The following WDR41 variants were observed in gnomAD, a reference collection of about 807,000 sequenced individuals.
WDR41 encodes WD repeat domain 41, also known as WD repeat-containing protein 41.
In WDR41, 63 loss-of-function variants were observed where a neutral mutation model predicts 69.3. That is an observed-to-expected ratio of 0.91 (90% CI 0.74 to 1.12). The LOEUF (loss-of-function observed/expected upper bound fraction) is 1.12, where lower values mean the gene tolerates loss of function less well. WDR41 is among the 50% of genes most tolerant of loss of function. The pLI, the probability that WDR41 is intolerant of heterozygous loss-of-function variation, is 0.00. For missense variants in WDR41, 543 were observed against 534.5 expected (o/e 1.02, Z -0.16); for synonymous variants, 185 against 192.1 (o/e 0.96, Z 0.31).
At chr5:77,458,606 T>G (rs1799924209) in intron 5 of WDR41, among the ~76,000 whole-genome samples, 1 of 152,150 alleles carries the variant, frequency 6.6e-6, no homozygotes, top group Non-Finnish European at 1.5e-5. Flanking sequence ...GGAATAAACC[T>G]AACAGTAACA....
chr5:77,477,366 T>A (rs1026403568), intron 2 of WDR41, among the ~76,000 whole-genome samples: 5 of 140,758 alleles, frequency 3.6e-5, no homozygotes, highest in Non-Finnish European at 7.5e-5. Flanking sequence ...ATCAACAGAA[T>A]ATACATTGTT....
chr5:77,441,935 G>A (rs910867346), intron 8 of WDR41, among the ~76,000 whole-genome samples: 6 of 151,944 alleles, frequency 3.9e-5, no homozygotes, highest in Non-Finnish European at 8.8e-5. Context: ...GTCAGTAAAC[G>A]TGAAAAGATG....
At chr5:77,513,058 A>G (rs2112176528) in intron 1 of WDR41, among the ~76,000 whole-genome samples, 1 of 152,322 alleles carries the variant, frequency 6.6e-6, no homozygotes, top group East Asian at 1.9e-4. Context: ...TTTATTCCAC[A>G]GACGCTAAAA....
At chr5:77,489,422 A>T in intron 2 of WDR41, 35 bp downstream of exon 2, 1 of 1,367,850 alleles carries the variant, frequency 7.3e-7, no homozygotes, top group South Asian at 1.4e-5. Context: ...ACCTCTTCCC[A>T]AACAATAGTC....
At chr5:77,567,860 C>T (rs758970113) in intron 1 of WDR41, among the ~76,000 whole-genome samples, 1 of 151,676 alleles carries the variant, frequency 6.6e-6, no homozygotes, top group Admixed American at 6.6e-5. Flanking sequence ...CGTCTCATCC[C>T]GACCCCAGCC....
chr5:77,456,762 C>T (rs566013623), intron 5 of WDR41, among the ~76,000 whole-genome samples: 1 of 152,212 alleles, frequency 6.6e-6, no homozygotes, highest in Admixed American at 6.5e-5. Context: ...AGTGCAGTGG[C>T]ACAATTACAA....
At chr5:77,601,174 G>T (rs1475616909) in intron 1 of WDR41, among the ~76,000 whole-genome samples, 1 of 151,912 alleles carries the variant, frequency 6.6e-6, no homozygotes, top group Non-Finnish European at 1.5e-5. Flanking sequence ...TAAACTTTGG[G>T]GAATAGTACT....
intron 1 of WDR41, among the ~76,000 whole-genome samples, chr5:77,614,848 C>G (rs1017614067): frequency 1.3e-5 from 2 of 150,988 alleles, no homozygotes; most frequent in African/African-American, 4.9e-5. Flanking sequence ...GATAAAGGAA[C>G]AAGTTAAATG....
rs570983637 is a variant in WDR41, at chr5:77,474,259, A to G, written c.168-9450T>C. Among the ~76,000 whole-genome samples the G allele has an allele frequency of 5.6e-3, 850 of 151,828 alleles. 3 individuals carry two copies. The highest frequency in any genetic ancestry group is 9.9e-3 in the Non-Finnish European group (672 of 67,810). ...ATGAGAACACATGGACCCAGGAAGG[A>G]GAACATCACACACCAGGGCCTGTTG... On this transcript the variant is annotated intron_variant, in intron 2 of 12. Coordinates refer to ENST00000296679, the MANE Select transcript of WDR41 (RefSeq NM_018268.4).
chr5:77,490,662 G>A (rs1283367348), intron 1 of WDR41, among the ~76,000 whole-genome samples: 4 of 151,990 alleles, frequency 2.6e-5, no homozygotes, highest in Non-Finnish European at 5.9e-5. Context: ...AGAGATTGTG[G>A]TGAGAAATTT....
intron 2 of WDR41, among the ~76,000 whole-genome samples, chr5:77,472,927 G>C (rs530604332): frequency 6.6e-6 from 1 of 152,020 alleles, no homozygotes; most frequent in African/African-American, 2.4e-5. Flanking sequence ...CTACTTTCAC[G>C]TTCATATGGA....
At chr5:77,564,456 A>C (rs1743583178) in intron 1 of WDR41, among the ~76,000 whole-genome samples, 1 of 152,178 alleles carries the variant, frequency 6.6e-6, no homozygotes, top group African/African-American at 2.4e-5. Context: ...CATCCCATTA[A>C]GACTTCATGG....
intron 8 of WDR41, among the ~76,000 whole-genome samples, chr5:77,442,823 C>T (rs532960495): frequency 7.0e-4 from 91 of 130,634 alleles, no homozygotes; most frequent in African/African-American, 2.6e-3. Context: ...ACCCGGGAGG[C>T]GGAGCTTGCA....
At chr5:77,561,867 G>C (rs1304832526) in intron 1 of WDR41, among the ~76,000 whole-genome samples, 1 of 152,102 alleles carries the variant, frequency 6.6e-6, no homozygotes, top group South Asian at 2.1e-4. Flanking sequence ...CCTGATTGCA[G>C]TAACAATATG....
At chr5:77,534,888 C>T (rs1742936125) in intron 1 of WDR41, among the ~76,000 whole-genome samples, 1 of 152,088 alleles carries the variant, frequency 6.6e-6, no homozygotes, top group Non-Finnish European at 1.5e-5. Context: ...TGTCTTTATT[C>T]CCCAGACAAA....
At chr5:77,466,637 A>G (rs927872952) in intron 2 of WDR41, among the ~76,000 whole-genome samples, 1 of 151,946 alleles carries the variant, frequency 6.6e-6, no homozygotes, top group African/African-American at 2.4e-5. Flanking sequence ...TGGGATATAG[A>G]GCATTTAACC....
intron 2 of WDR41, among the ~76,000 whole-genome samples, chr5:77,466,614 G>C (rs1250148932): frequency 1.3e-5 from 2 of 151,880 alleles, no homozygotes; most frequent in Non-Finnish European, 2.9e-5. Context: ...GAGAACAGCT[G>C]AGAGTTTAGA....
At position 77,449,889 on chromosome 5, in the gene WDR41, T is replaced by C. The variant is rs752109879; in HGVS notation, c.587-19A>G. Reference sequence around the variant, plus strand: ...AAAATTACTAAATGAAAAAGACAGATAAAATTTTATTACAATGCTCTAAGA... The same window carrying C: ...AAAATTACTAAATGAAAAAGACAGACAAAATTTTATTACAATGCTCTAAGA... On this transcript the variant is annotated intron_variant, in intron 7 of 12. Transcript: ENST00000296679. 6.6e-7 allele frequency: 1 copy of C among 1,512,138 alleles called. No homozygotes were observed. The highest frequency in any genetic ancestry group is 1.1e-5 in the South Asian group (1 of 88,296). The allele number at this position is 1,512,138 out of a possible 1,614,324, so 93.7% of individuals were successfully genotyped here.
chr5:77,518,330 A>G (rs1279734492), intron 1 of WDR41, among the ~76,000 whole-genome samples: 1 of 152,180 alleles, frequency 6.6e-6, no homozygotes, highest in Non-Finnish European at 1.5e-5. Flanking sequence ...CAGGAAAGAA[A>G]TATCTTGATA....
Sources: allele counts gnomAD v4.1 joint callset (sites outside exome capture counted in the v4.1 genomes callset), GRCh38; gene constraint gnomAD v4.1.1; transcripts MANE v1.5; gene names NCBI Gene and HGNC (gene_info 2026-07-23, HGNC 2026-07-21).